Variants in ADAMTS17 observed in about 807,000 individuals in gnomAD.
The protein encoded by ADAMTS17 is A disintegrin and metalloproteinase with thrombospondin motifs 17.
Under a neutral mutation model 141.5 loss-of-function variants are expected in ADAMTS17, and 113 were observed. The ratio of observed to expected loss-of-function variants is 0.80; its 90% CI spans 0.69 to 0.93. ADAMTS17 has a LOEUF of 0.93. ADAMTS17 is among the 40% of genes least tolerant of loss of function. ADAMTS17 has a pLI of 0.00. For synonymous variants in ADAMTS17, 768 were observed against 630.6 expected (o/e 1.22, Z -3.27); for missense variants, 1,659 against 1,517.9 (o/e 1.09, Z -1.54).
Position 100,101,250 on chromosome 15 carries a change from G to T in ADAMTS17, c.2017-4774C>A, listed in dbSNP as rs60725188. Among the ~76,000 whole-genome samples, 375 of 148,208 alleles carry T rather than the reference G, an allele frequency of 2.5e-3. 1 individual carries two copies. Among genetic ancestry groups the T allele is most frequent in the African/African-American group, 9.2e-3 (357 of 38,670 alleles). On this transcript the variant is annotated intron_variant, in intron 14 of 21. Transcript: ENST00000268070. ...CTGTCCTCCTCAGCCACAGTCCCCC[G>T]CTGGGTCTCTCTATGGCACCATTTT...
intron 18 of ADAMTS17, among the ~76,000 whole-genome samples, chr15:100,042,627 C>A (rs546988951): frequency 1.2e-3 from 183 of 152,188 alleles, no homozygotes; most frequent in Non-Finnish European, 1.8e-3. Flanking sequence ...GCTTTGAGAC[C>A]AATATTAAGT....
chr15:100,283,800 T>A (rs1444119520), intron 3 of ADAMTS17, among the ~76,000 whole-genome samples: 1 of 152,144 alleles, frequency 6.6e-6, no homozygotes, highest in Non-Finnish European at 1.5e-5. Flanking sequence ...TCCTGGACAC[T>A]TAACATTTCA....
At chr15:100,331,410 A>G (rs1274935813) in intron 2 of ADAMTS17, among the ~76,000 whole-genome samples, 1 of 152,194 alleles carries the variant, frequency 6.6e-6, no homozygotes, top group Admixed American at 6.5e-5. Context: ...CTGGGAGGCA[A>G]CACTGAAATT....
At chr15:100,098,593 G>C (rs1048396421) in intron 14 of ADAMTS17, among the ~76,000 whole-genome samples, 10 of 151,918 alleles carry the variant, frequency 6.6e-5, no homozygotes, top group African/African-American at 2.4e-4. Flanking sequence ...AACCTGGGAG[G>C]CGGAGGTTGC....
chr15:99,994,115 G>C (rs1343970849), intron 19 of ADAMTS17, among the ~76,000 whole-genome samples: 1 of 152,156 alleles, frequency 6.6e-6, no homozygotes, highest in African/African-American at 2.4e-5. Context: ...AGGAAGCCCA[G>C]GCCGAGCTGA....
chr15:100,267,498 G>A lies in ADAMTS17; in HGVS notation c.790-5063C>T, dbSNP rs188781897. On this transcript the variant is annotated intron_variant, in intron 4 of 21. Coordinates refer to ENST00000268070, the MANE Select transcript of ADAMTS17 (RefSeq NM_139057.4). ...TTAATTCATTTCTTTTTTTATTTTC[G>A]TGGTAAGTCTAAATGAATATATATT... is the stretch of plus-strand genomic sequence containing the variant. 2.2e-4 allele frequency among the ~76,000 whole-genome samples: 33 copies of A among 151,952 alleles called. No homozygotes were observed. In the East Asian group the frequency reaches 5.4e-3, roughly 25 times the overall value.
intron 18 of ADAMTS17, among the ~76,000 whole-genome samples, chr15:100,008,654 C>T (rs980103991): frequency 2.6e-5 from 4 of 152,186 alleles, no homozygotes; most frequent in South Asian, 4.1e-4. Flanking sequence ...AGAGTGATCT[C>T]GTCCCTTCCT....
intron 3 of ADAMTS17, among the ~76,000 whole-genome samples, chr15:100,312,332 G>A (rs967415629): frequency 6.6e-6 from 1 of 152,170 alleles, no homozygotes; most frequent in Non-Finnish European, 1.5e-5. Flanking sequence ...GGAGGGGGAA[G>A]AGGCCATGAG....
Position 99,993,515 on chromosome 15 carries a change from G to A in ADAMTS17, c.2797-315C>T, listed in dbSNP as rs1005954119. Among the ~76,000 whole-genome samples, 1 of 152,130 alleles carries A rather than the reference G, an allele frequency of 6.6e-6. No homozygotes were observed. On this transcript the variant is annotated intron_variant, in intron 19 of 21. Transcript: ENST00000268070. The surrounding 1 kb of genome is among the most constrained non-coding windows in gnomAD (Gnocchi z 4.3). The stretch of plus-strand genomic sequence containing the variant: ...CGGGTCCAAAAGCTCAAGGCAATAC[G>A]TGAGCTCGAAGGGCAGGTGTGTGAT...
intron 3 of ADAMTS17, among the ~76,000 whole-genome samples, chr15:100,311,966 C>T (rs923799654): frequency 4.6e-5 from 7 of 152,296 alleles, no homozygotes; most frequent in African/African-American, 1.7e-4. Context: ...CTGGCTGGGG[C>T]TGTCCAGGTG....
chr15:100,110,852 C>T (rs1328165759), intron 13 of ADAMTS17, among the ~76,000 whole-genome samples: 2 of 152,138 alleles, frequency 1.3e-5, no homozygotes, highest in Admixed American at 6.5e-5. Context: ...CCTTGGCATC[C>T]CACCTGCAGA....
In ADAMTS17 at chr15:99,974,042, A is replaced by C. The variant is rs907291545; in HGVS notation, c.*360T>G. ...GTTTTGGGGATGTTTCCTCCATGAT[A>C]TACCAAGCACTGGAAATTCAAATGT... is the stretch of plus-strand genomic sequence containing the variant. On this transcript the variant is annotated 3_prime_UTR_variant, in exon 22 of 22. Transcript: ENST00000268070. The C allele has an allele frequency of 8.2e-5, 30 of 365,398 alleles. No homozygotes were observed. Among genetic ancestry groups the C allele is most frequent in the African/African-American group, 5.9e-4 (28 of 47,456 alleles). 22.6% of individuals were successfully genotyped at this position (365,398 alleles called of 1,614,324 possible).
At chr15:100,296,565 G>C (rs1408939729) in intron 3 of ADAMTS17, among the ~76,000 whole-genome samples, 4 of 134,824 alleles carry the variant, frequency 3.0e-5, no homozygotes, top group South Asian at 2.6e-4. Flanking sequence ...TTTTTGTTTG[G>C]AGGGGGTGAG....
chr15:100,125,532 T>C (rs760883221), intron 12 of ADAMTS17, among the ~76,000 whole-genome samples: 3 of 152,148 alleles, frequency 2.0e-5, no homozygotes, highest in Non-Finnish European at 4.4e-5. Flanking sequence ...TCCACTCTCC[T>C]GCCCCTGCTG....
At chr15:100,091,012 A>AC (rs1335985604) in intron 15 of ADAMTS17, among the ~76,000 whole-genome samples, 6 of 142,880 alleles carry the variant, frequency 4.2e-5, no homozygotes, top group African/African-American at 1.3e-4. Context: ...CGTCTCAACA[A>AC]AAAAAAAAAA....
chr15:100,291,396 G>A (rs28415860), intron 3 of ADAMTS17, among the ~76,000 whole-genome samples: 2,837 of 152,264 alleles, frequency 0.019, 101 homozygotes, highest in African/African-American at 0.065. Flanking sequence ...ATACACTGCT[G>A]GTGGAAATGT....
intron 3 of ADAMTS17, among the ~76,000 whole-genome samples, chr15:100,310,208 A>C (rs531443794): frequency 6.6e-6 from 1 of 152,278 alleles, no homozygotes; most frequent in Non-Finnish European, 1.5e-5. Flanking sequence ...GCCAAACACC[A>C]TTCAGATGAT....
intron 7 of ADAMTS17, among the ~76,000 whole-genome samples, chr15:100,226,979 T>C (rs2042330881): frequency 6.6e-6 from 1 of 152,152 alleles, no homozygotes. Context: ...ATGACGTCCA[T>C]CATTTCAAAA....
intron 14 of ADAMTS17, among the ~76,000 whole-genome samples, chr15:100,106,482 T>C (rs763097980): frequency 2.6e-5 from 4 of 152,214 alleles, no homozygotes; most frequent in Non-Finnish European, 4.4e-5. Context: ...TGTCATAGTA[T>C]GGAACATCCT....
Sources: gnomAD v4.1 joint callset for allele counts (sites outside exome capture counted in the v4.1 genomes callset) on GRCh38, gnomAD v4.1.1 for gene constraint, Gnocchi (gnomAD v3.1) non-coding constraint, MANE v1.5 for transcripts, NCBI Gene and HGNC (gene_info 2026-07-23, HGNC 2026-07-21) for gene names.